Variants in HHAT observed in about 807,000 individuals in gnomAD.
The protein encoded by HHAT is hedgehog acyltransferase.
A neutral mutation model predicts 70.8 loss-of-function variants in HHAT; 47 were observed. That is an observed-to-expected ratio of 0.66 (90% CI 0.53 to 0.85). The LOEUF is 0.85. Ranked by LOEUF, HHAT falls within the 40% of genes least tolerant of loss-of-function variation. HHAT has a pLI of 0.00. For missense variants in HHAT, 609 were observed against 604.8 expected (o/e 1.01, Z -0.07); for synonymous variants, 228 against 247.6 (o/e 0.92, Z 0.74).
intron 11 of HHAT, among the ~76,000 whole-genome samples, chr1:210,642,360 T>C (rs1673141544): frequency 6.6e-6 from 1 of 152,170 alleles, no homozygotes; most frequent in Non-Finnish European, 1.5e-5. Flanking sequence ...CTTGTACATA[T>C]TTCTGTTGAG....
At chr1:210,563,241 TG>T (rs2095640445) in intron 9 of HHAT, among the ~76,000 whole-genome samples, 1 of 152,172 alleles carries the variant, frequency 6.6e-6, no homozygotes, top group South Asian at 2.1e-4. Flanking sequence ...CTCAGCCCTG[TG>T]GGGTCCAAAT....
chr1:210,327,594 C>T (rs1422721181), upstream of HHAT, among the ~76,000 whole-genome samples: 1 of 152,090 alleles, frequency 6.6e-6, no homozygotes, highest in Non-Finnish European at 1.5e-5. Context: ...CAACCTCTGC[C>T]GCCCGGGTTC....
rs576511962 is a variant in HHAT at position 210,669,746 on chromosome 1, G to A, written c.1391-4542G>A. Among the ~76,000 whole-genome samples, 3 of 152,348 alleles carry A rather than the reference G, an allele frequency of 2.0e-5. No homozygotes were observed. The South Asian group carries it at 6.2e-4, about 32-fold the overall frequency. ...ATTCTGGGGACCCAGCCTTGAATGT[G>A]CAGAGTGTGTAGGGGGCTTCAGCCC... On this transcript the variant is annotated intron_variant, in intron 11 of 11. Transcript: ENST00000261458.
At chr1:210,574,601 T>C (rs1180813019) in intron 9 of HHAT, among the ~76,000 whole-genome samples, 1 of 152,232 alleles carries the variant, frequency 6.6e-6, no homozygotes, top group Non-Finnish European at 1.5e-5. Flanking sequence ...ATTTTTGTTT[T>C]TGCTGACTGA....
chr1:210,629,782 T>G (rs973636802), intron 11 of HHAT, among the ~76,000 whole-genome samples: 3 of 152,180 alleles, frequency 2.0e-5, no homozygotes, highest in Non-Finnish European at 4.4e-5. Flanking sequence ...TCTCTGCTTC[T>G]GTCACACATA....
chr1:210,667,949 C>T (rs1219450386), intron 11 of HHAT, among the ~76,000 whole-genome samples: 3 of 152,086 alleles, frequency 2.0e-5, no homozygotes, highest in African/African-American at 7.2e-5. Flanking sequence ...AAACTTTATA[C>T]CCATTAAACA....
chr1:210,599,025 A>G (rs183604752), intron 10 of HHAT, among the ~76,000 whole-genome samples: 2 of 152,126 alleles, frequency 1.3e-5, no homozygotes, highest in East Asian at 3.9e-4. Context: ...TCACGCAAAT[A>G]CTTGTCAGAG....
chr1:210,462,156 GAAGCA>G (rs2093991988), intron 7 of HHAT, among the ~76,000 whole-genome samples: 2 of 152,190 alleles, frequency 1.3e-5, no homozygotes, highest in South Asian at 4.1e-4. Context: ...CTTGAGACAT[GAAGCA>G]ACCCATTTTT....
intron 11 of HHAT, among the ~76,000 whole-genome samples, chr1:210,641,986 A>C (rs2148913953): frequency 6.6e-6 from 1 of 152,212 alleles, no homozygotes; most frequent in South Asian, 2.1e-4. Context: ...CATGTGTAAA[A>C]CTGTGCTTCC....
intron 9 of HHAT, among the ~76,000 whole-genome samples, chr1:210,523,248 A>G (rs2095188425): frequency 6.6e-6 from 1 of 152,028 alleles, no homozygotes; most frequent in African/African-American, 2.4e-5. Flanking sequence ...TGCCACTGCC[A>G]CTTGGGACCA....
intron 9 of HHAT, among the ~76,000 whole-genome samples, chr1:210,563,108 A>C (rs907051879): frequency 3.3e-5 from 5 of 151,900 alleles, no homozygotes; most frequent in African/African-American, 1.2e-4. Flanking sequence ...TAACCACTAT[A>C]CTTTGAGGCC....
intron 9 of HHAT, among the ~76,000 whole-genome samples, chr1:210,579,961 A>G (rs920828184): frequency 2.0e-5 from 3 of 152,216 alleles, no homozygotes; most frequent in African/African-American, 7.2e-5. Flanking sequence ...TACCAGCTTC[A>G]TGGAGCGAAA....
intron 2 of HHAT, among the ~76,000 whole-genome samples, chr1:210,349,942 C>T (rs915031063): frequency 5.9e-5 from 9 of 152,288 alleles, no homozygotes; most frequent in Admixed American, 5.9e-4. Flanking sequence ...TGAGCCACTG[C>T]ACCCTGTAGC....
At chr1:210,573,232 T>G (rs1020613137) in intron 9 of HHAT, among the ~76,000 whole-genome samples, 2 of 152,076 alleles carry the variant, frequency 1.3e-5, no homozygotes, top group Non-Finnish European at 2.9e-5. Context: ...CAGTTGTAAA[T>G]CAAAAACCAG....
chr1:210,561,865 A>T (rs1229956279), intron 9 of HHAT, among the ~76,000 whole-genome samples: 2 of 152,178 alleles, frequency 1.3e-5, no homozygotes, highest in Admixed American at 6.5e-5. Flanking sequence ...ACACTCCCTG[A>T]AGGTGGGGAC....
At position 210,550,389 on chromosome 1, in the gene HHAT, G is replaced by C. The variant is rs555005908; in HGVS notation, c.1043+37201G>C. Among the ~76,000 whole-genome samples the C allele has an allele frequency of 2.7e-5, 4 of 149,370 alleles. 1 individual carries two copies. In the South Asian group the frequency reaches 8.6e-4, roughly 32 times the overall value. On this transcript the variant is annotated intron_variant, in intron 9 of 11. Coordinates refer to ENST00000261458, the MANE Select transcript of HHAT (RefSeq NM_018194.6). ...GCTCCTTCTCTCTGCCTTTTACCCTGTGTGTGTCCTTGGGTAAGTTATTTA... is the reference window on the plus strand; with the variant it reads ...GCTCCTTCTCTCTGCCTTTTACCCTCTGTGTGTCCTTGGGTAAGTTATTTA...
intron 3 of HHAT, among the ~76,000 whole-genome samples, chr1:210,377,964 T>C (rs772658337): frequency 5.9e-5 from 9 of 152,264 alleles, no homozygotes; most frequent in Admixed American, 1.3e-4. Context: ...GGAAGCATTT[T>C]ATCTTTAAGA....
At chr1:210,540,120 T>G (rs796152345) in intron 9 of HHAT, among the ~76,000 whole-genome samples, 2 of 150,406 alleles carry the variant, frequency 1.3e-5, no homozygotes, top group African/African-American at 4.9e-5. Flanking sequence ...TTGGTTACTC[T>G]AGTGACATAG....
intron 10 of HHAT, among the ~76,000 whole-genome samples, chr1:210,594,659 G>A (rs1021243518): frequency 1.3e-5 from 2 of 152,144 alleles, no homozygotes; most frequent in Non-Finnish European, 2.9e-5. Flanking sequence ...TGCACCTTCA[G>A]ATGATTTCTT....
Sources: gnomAD v4.1 joint callset for allele counts (sites outside exome capture counted in the v4.1 genomes callset) on GRCh38, gnomAD v4.1.1 for gene constraint, MANE v1.5 for transcripts, NCBI Gene and HGNC (gene_info 2026-07-23, HGNC 2026-07-21) for gene names.